Variants in PCSK7 observed in about 807,000 individuals in gnomAD.
PCSK7 encodes the protein lymphoma proprotein convertase.
In PCSK7, 38 loss-of-function variants were observed where a neutral mutation model predicts 73.3. That is an observed-to-expected ratio of 0.52 (90% confidence interval 0.40 to 0.68). The LOEUF (loss-of-function observed/expected upper bound fraction) is 0.68, where lower values mean the gene tolerates loss of function less well. Ranked by LOEUF, PCSK7 falls within the 30% of genes least tolerant of loss-of-function variation. PCSK7 has a pLI of 0.00. For synonymous variants in PCSK7, 296 were observed against 383.8 expected (o/e 0.77, Z 2.68); for missense variants, 692 against 991.5 (o/e 0.70, Z 4.06).
At position 117,205,140 on chromosome 11, in the gene PCSK7, G is replaced by T. The variant is rs535042821; in HGVS notation, c.*857C>A. The T allele has an allele frequency of 9.4e-4, 217 of 232,026 alleles. No homozygotes were observed. The highest frequency in any genetic ancestry group is 1.6e-3 in the Non-Finnish European group (190 of 117,028). The allele number at this position is 232,026 out of a possible 1,614,324, so 14.4% of individuals were successfully genotyped here. On this transcript the variant is annotated 3_prime_UTR_variant, in exon 17 of 17. Coordinates refer to ENST00000320934, the MANE Select transcript of PCSK7 (RefSeq NM_004716.4). ...ATTCAAGAAAATGTTGCTGTGAAAAGAGAAAAACAAATCTTAAGCATTAAA... is the reference window on the plus strand; with the variant it reads ...ATTCAAGAAAATGTTGCTGTGAAAATAGAAAAACAAATCTTAAGCATTAAA...
In PCSK7 at chr11:117,230,628, G is replaced by A. The variant is rs1349241196; in HGVS notation, c.-132-160C>T. On this transcript the variant is annotated intron_variant, in intron 1 of 16. Coordinates refer to ENST00000320934, the MANE Select transcript of PCSK7 (RefSeq NM_004716.4). Reference sequence around the variant, plus strand: ...GACTGGAGCAGAACTGGTACGGTGAGGCCAAATCAGTATAACACCCAAAAA... The same window carrying A: ...GACTGGAGCAGAACTGGTACGGTGAAGCCAAATCAGTATAACACCCAAAAA... Among the ~76,000 whole-genome samples, 8 of 152,234 alleles carry A rather than the reference G, an allele frequency of 5.3e-5. No individual in the cohort carries two copies. The South Asian group carries it at 1.5e-3, about 28-fold the overall frequency.
Position 117,224,236 on chromosome 11 carries a change from G to C in PCSK7, c.916-20C>G. 1.2e-6 allele frequency: 2 copies of C among 1,613,548 alleles called. No individual in the cohort carries two copies. The highest frequency in any genetic ancestry group is 1.7e-6 in the Non-Finnish European group (2 of 1,179,562). The stretch of plus-strand genomic sequence containing the variant: ...GGCAGCCTGAGGAGCCAAAACATCA[G>C]GGTGTCAGTTGAGGAACCCACAGAA... On this transcript the variant is annotated intron_variant, in intron 7 of 16. Coordinates refer to ENST00000320934, the MANE Select transcript of PCSK7 (RefSeq NM_004716.4).
In PCSK7 at chr11:117,209,379, AAAGAT is replaced by A. The variant is rs550043185; in HGVS notation, c.1535-331_1535-327del. The A allele has an allele frequency of 5.5e-3, 1,352 of 244,916 alleles. 22 individuals carry two copies. Among genetic ancestry groups the A allele is most frequent in the African/African-American group, 0.031 (1,260 of 41,270 alleles). The allele number at this position is 244,916 out of a possible 1,614,324, so 15.2% of individuals were successfully genotyped here. A position where few individuals can be genotyped will look rare whatever the true frequency, so the allele number is the denominator to read the frequency against. On this transcript the variant is annotated intron_variant, in intron 12 of 16. Coordinates refer to ENST00000320934, the MANE Select transcript of PCSK7 (RefSeq NM_004716.4). ...GCACTGTACTAGATGCTGGGAATAT[AAAGAT>A]AAGATGGGCGTGGTCCCTGCCTCCT...
intron 6 of PCSK7, 67 bp downstream of exon 6, chr11:117,225,864 G>A: frequency 9.8e-7 from 1 of 1,024,172 alleles, no homozygotes; most frequent in Non-Finnish European, 1.5e-6. Context: ...CACTGGTTGG[G>A]ATTTTGTTGG....
At chr11:117,223,418 T>C (rs972477096) in intron 8 of PCSK7, 110 bp from the exon 9 acceptor site, 1 of 719,456 alleles carries the variant, frequency 1.4e-6, no homozygotes, top group Non-Finnish European at 2.5e-6. Context: ...TGTCCTGAGT[T>C]TGAAACATGA....
In PCSK7 at chr11:117,205,993, G is replaced by A. The variant is rs758051276; in HGVS notation, c.*4C>T. The A allele has an allele frequency of 9.1e-6, 10 of 1,095,602 alleles. No homozygotes were observed. Among genetic ancestry groups the A allele is most frequent in the African/African-American group, 1.7e-5 (1 of 60,306 alleles). 67.9% of individuals were successfully genotyped at this position (1,095,602 alleles called of 1,614,324 possible). On this transcript the variant is annotated 3_prime_UTR_variant, in exon 17 of 17. Transcript: ENST00000320934. ...AGCCTGTCCCACACTGTCAGGCCCT[G>A]AGGTCAGCAGATCTGCTCCTCCTTC...
intron 9 of PCSK7, chr11:117,220,621 C>G (rs935617572): frequency 1.3e-5 from 2 of 152,386 alleles, no homozygotes; most frequent in African/African-American, 4.8e-5. Context: ...AACCCTTCAA[C>G]CCCCACAACC....
intron 12 of PCSK7, chr11:117,215,374 G>GTATA (rs1565307896): frequency 5.0e-5 from 3 of 59,832 alleles, no homozygotes; most frequent in South Asian, 9.8e-4. Context: ...TTGTGTGTGT[G>GTATA]TGTGTGTATA....
At chr11:117,225,128 T>C (rs1293426160) in intron 6 of PCSK7, 1 of 167,316 alleles carries the variant, frequency 6.0e-6, no homozygotes, top group Admixed American at 6.1e-5. Flanking sequence ...ATGGCGCGAT[T>C]TTGGCTCACT....
In PCSK7 at chr11:117,229,578, G is replaced by T; in HGVS notation, c.267C>A (p.Ile89=). ...QAAGLVNAGR[I]GELQGHYLFV... ...AGAGGTAGTGCCCCTGAAGCTCTCC[G>T]ATGCGTCCAGCATTCACCAGCCCTG... The change falls in exon 3 of 17, where the codon ATC becomes ATA. Residue 89 remains isoleucine (I), a synonymous_variant. Transcript: ENST00000320934. 6.2e-7 allele frequency: 1 copy of T among 1,614,036 alleles called. No individual in the cohort carries two copies. Among genetic ancestry groups the T allele is most frequent in the Non-Finnish European group, 8.5e-7 (1 of 1,180,036 alleles).
rs1273445790 is a variant in PCSK7 at position 117,208,895 on chromosome 11, A to C, written c.1691+2T>G. The C allele has an allele frequency of 6.2e-7, 1 of 1,611,204 alleles. No individual in the cohort carries two copies. The highest frequency in any genetic ancestry group is 8.5e-7 in the Non-Finnish European group (1 of 1,179,486). On this transcript the variant is annotated splice_donor_variant, in intron 13 of 16. Transcript: ENST00000320934. LOFTEE classifies it high-confidence loss of function. ...GCTCAGGCCTCGGGCGGGTGTACAT[A>C]CGAGTCCATGCTGCGGGGGGCGCCG...
At chr11:117,220,726 C>T (rs2032158188) in intron 9 of PCSK7, 1 of 152,322 alleles carries the variant, frequency 6.6e-6, no homozygotes, top group South Asian at 2.1e-4. Context: ...AATTTGGCAG[C>T]TCCGCGACAG....
At chr11:117,223,664 C>T (rs2032295666) in intron 8 of PCSK7, 2 of 350,746 alleles carry the variant, frequency 5.7e-6, no homozygotes, top group Non-Finnish European at 1.1e-5. Context: ...TGGAAAAGGC[C>T]GCAGTCCTAG....
rs562257887 is a variant in PCSK7 at position 117,219,827 on chromosome 11, T to G, written c.1156-69A>C. On this transcript the variant is annotated intron_variant, in intron 9 of 16. Transcript: ENST00000320934. The stretch of plus-strand genomic sequence containing the variant: ...CAAGCTGGGGACAGTGGTGTGCACC[T>G]ATAGTCCCGGCTACCTGGGAGGCCC... 5.5e-6 allele frequency: 7 copies of G among 1,269,934 alleles called. No homozygotes were observed. In the East Asian group the frequency reaches 1.6e-4, roughly 29 times the overall value. 78.7% of individuals were successfully genotyped at this position (1,269,934 alleles called of 1,614,324 possible).
rs752617745 is a variant in PCSK7, at chr11:117,204,385, G to C, written c.*1612C>G. ...AGCGGAGAGGGCTAGCCCTGAGCCCGGCCCTCCCCCAGCTCCTTGGCTGCA... is the reference window on the plus strand; with the variant it reads ...AGCGGAGAGGGCTAGCCCTGAGCCCCGCCCTCCCCCAGCTCCTTGGCTGCA... On this transcript the variant is annotated 3_prime_UTR_variant, in exon 17 of 17. Coordinates refer to ENST00000320934, the MANE Select transcript of PCSK7 (RefSeq NM_004716.4). The C allele has an allele frequency of 4.0e-5, 64 of 1,613,982 alleles. No individual in the cohort carries two copies. In the Admixed American group the frequency reaches 1.0e-3, roughly 26 times the overall value.
Position 117,227,161 on chromosome 11 carries a change from G to T in PCSK7, c.765C>A (p.Ile255=), listed in dbSNP as rs756506725. The T allele has an allele frequency of 1.3e-6, 2 of 1,598,102 alleles. No homozygotes were observed. Among genetic ancestry groups the T allele is most frequent in the Non-Finnish European group, 8.5e-7 (1 of 1,171,950 alleles). The change falls in exon 5 of 17, where the codon ATC becomes ATA. Residue 255 remains isoleucine (I), a synonymous_variant. Coordinates refer to ENST00000320934, the MANE Select transcript of PCSK7 (RefSeq NM_004716.4). ...CAVGVAYGSR[I]AGIRVLDGPL... is the part of the protein sequence containing the mutation. The stretch of plus-strand genomic sequence containing the variant: ...TAGGCTGGAGGCACAAGTTACCTGC[G>T]ATGCGGCTCCCGTAGGCCACGCCCA...
chr11:117,230,794 T>A (rs2032620743), intron 1 of PCSK7, among the ~76,000 whole-genome samples: 1 of 152,106 alleles, frequency 6.6e-6, no homozygotes. Flanking sequence ...TCTTGATTTG[T>A]ATATCCCAGA....
chr11:117,224,254 C>T, intron 7 of PCSK7, 38 bp from the exon 8 acceptor site: 1 of 1,609,616 alleles, frequency 6.2e-7, no homozygotes, highest in South Asian at 1.1e-5. Flanking sequence ...GTTGAGGAAC[C>T]CACAGAAAGA....
chr11:117,210,694 AT>A (rs1287990475), intron 12 of PCSK7: 10 of 152,130 alleles, frequency 6.6e-5, no homozygotes, highest in African/African-American at 2.4e-4. Flanking sequence ...TCTTCCATTA[AT>A]TTATTCCAGG....
Sources: gnomAD v4.1 joint callset for allele counts (sites outside exome capture counted in the v4.1 genomes callset) on GRCh38, gnomAD v4.1.1 for gene constraint, MANE v1.5 for transcripts, NCBI Gene and HGNC (gene_info 2026-07-23, HGNC 2026-07-21) for gene names.